The following APAF1 variants were observed in gnomAD, a reference collection of about 807,000 sequenced individuals.
The protein encoded by APAF1 is apoptotic peptidase activating factor 1, also known as apoptotic protease-activating factor 1.
APAF1 carries 91 observed loss-of-function variants against 152.4 expected under a neutral mutation model. The ratio of observed to expected loss-of-function variants is 0.60; its 90% CI spans 0.50 to 0.71. The LOEUF (loss-of-function observed/expected upper bound fraction) is 0.71. Ranked by LOEUF, APAF1 falls within the 30% of genes least tolerant of loss-of-function variation. APAF1 has a pLI of 0.00. For missense variants in APAF1, 1,283 were observed against 1,472.0 expected, an observed-to-expected ratio of 0.87 and a Z score of 2.10; for synonymous variants, 484 against 494.1, an observed-to-expected ratio of 0.98 and a Z score of 0.27.
rs1038164796 is a variant in APAF1, at chr12:98,667,580, A to G, written c.1430A>G (p.Gln477Arg). ...CAGCCGCATACTCTTTCACCAGATC[A>G]GGAAGACTGTATGTATTGGTACAAC... ...YHQPHTLSPD[Q>R]EDCMYWYNFL... is the part of the protein sequence containing the mutation. The change falls in exon 10 of 27, where the codon CAG becomes CGG. Residue 477 changes from glutamine (Q) to arginine (R), a missense_variant. Coordinates refer to ENST00000551964, the MANE Select transcript of APAF1 (RefSeq NM_181861.2). 6 of 1,614,072 alleles carry G rather than the reference A, an allele frequency of 3.7e-6. No homozygotes were observed. The highest frequency in any genetic ancestry group is 5.1e-6 in the Non-Finnish European group (6 of 1,179,968).
At position 98,715,429 on chromosome 12, in the gene APAF1, T is replaced by C; in HGVS notation, c.2961T>C (p.Ile987=). The change falls in exon 22 of 27, where the codon ATT becomes ATC. Residue 987 remains isoleucine (I), a splice_region_variant and synonymous_variant. Transcript: ENST00000551964. ...TTCTGTGTTTTTCTGCTTTGAAGATTTTAGAACTTGTAAACAATAGAATCT... is the reference window on the plus strand; with the variant it reads ...TTCTGTGTTTTTCTGCTTTGAAGATCTTAGAACTTGTAAACAATAGAATCT... ...AFGDENGAIE[I]LELVNNRIFQ... 1 of 1,613,366 alleles carries C rather than the reference T, an allele frequency of 6.2e-7. No homozygotes were observed. Among genetic ancestry groups the C allele is most frequent in the Non-Finnish European group, 8.5e-7 (1 of 1,179,666 alleles).
At chr12:98,692,231 C>T (rs758538954) in intron 16 of APAF1, among the ~76,000 whole-genome samples, 4 of 151,936 alleles carry the variant, frequency 2.6e-5, no homozygotes, top group Admixed American at 6.6e-5. Flanking sequence ...TACAGGCGCC[C>T]GCTGCCATGC....
At chr12:98,720,374 A>G (rs1211182323) in intron 22 of APAF1, among the ~76,000 whole-genome samples, 3 of 152,176 alleles carry the variant, frequency 2.0e-5, no homozygotes, top group African/African-American at 7.2e-5. Flanking sequence ...TCGAGAAATG[A>G]CTGGTTGGGT....
At chr12:98,721,219 AC>A (rs2097742234) in intron 22 of APAF1, among the ~76,000 whole-genome samples, 1 of 152,160 alleles carries the variant, frequency 6.6e-6, no homozygotes, top group Non-Finnish European at 1.5e-5. Context: ...CTAGTCAGAA[AC>A]CTTCTGTAAC....
At chr12:98,674,640 AC>A (rs987561796) in intron 12 of APAF1, among the ~76,000 whole-genome samples, 1 of 152,142 alleles carries the variant, frequency 6.6e-6, no homozygotes, top group Non-Finnish European at 1.5e-5. Flanking sequence ...AAAATAACAT[AC>A]CCTGGCTCTA....
intron 18 of APAF1, among the ~76,000 whole-genome samples, chr12:98,704,511 G>C (rs563630126): frequency 5.9e-5 from 9 of 152,330 alleles, no homozygotes; most frequent in Admixed American, 2.6e-4. Context: ...GCCCATTACT[G>C]TGAAGGTGTT....
Position 98,665,698 on chromosome 12 carries a change from C to G in APAF1, c.1101C>G (p.Ala367=). 6.2e-7 allele frequency: 1 copy of G among 1,613,886 alleles called. No individual in the cohort carries two copies. The highest frequency in any genetic ancestry group is 8.5e-7 in the Non-Finnish European group (1 of 1,179,906). Residue 367 remains alanine (A), a synonymous_variant, in exon 8 of 27, where the codon GCC becomes GCG. Transcript: ENST00000551964. ...SSYDYEALDE[A]MSISVEMLRE... is the part of the protein sequence containing the mutation. ...ATGATTATGAGGCTCTAGATGAAGCCATGTCTATAAGTGTTGAAATGCTCA... is the reference window on the plus strand; with the variant it reads ...ATGATTATGAGGCTCTAGATGAAGCGATGTCTATAAGTGTTGAAATGCTCA...
At chr12:98,686,543 G>A (rs150574514) in intron 15 of APAF1, among the ~76,000 whole-genome samples, 81 of 152,230 alleles carry the variant, frequency 5.3e-4, no homozygotes, top group African/African-American at 1.8e-3. Flanking sequence ...TCCCTTAGTC[G>A]ATTTACATGC....
intron 4 of APAF1, among the ~76,000 whole-genome samples, chr12:98,656,067 G>T (rs2097657168): frequency 6.6e-6 from 1 of 152,098 alleles, no homozygotes; most frequent in African/African-American, 2.4e-5. Flanking sequence ...ACAGGCATGA[G>T]CCACCGCGCC....
intron 12 of APAF1, among the ~76,000 whole-genome samples, chr12:98,677,040 A>G (rs532002892): frequency 2.0e-5 from 3 of 152,192 alleles, no homozygotes. Flanking sequence ...TAAAAAAGAG[A>G]TGGAGAATTT....
intron 18 of APAF1, among the ~76,000 whole-genome samples, chr12:98,704,951 T>G (rs2097719789): frequency 6.6e-6 from 1 of 152,036 alleles, no homozygotes; most frequent in African/African-American, 2.4e-5. Context: ...GGCTAATTTT[T>G]TTTTGTATTT....
chr12:98,686,205 A>G (rs953633176), intron 15 of APAF1, among the ~76,000 whole-genome samples: 2 of 152,082 alleles, frequency 1.3e-5, no homozygotes, highest in Non-Finnish European at 2.9e-5. Context: ...AGTCTCTTTT[A>G]TTCTATTAAA....
intron 22 of APAF1, among the ~76,000 whole-genome samples, chr12:98,720,039 C>T (rs935039768): frequency 1.3e-5 from 2 of 152,130 alleles, no homozygotes; most frequent in Non-Finnish European, 2.9e-5. Context: ...CTGTAAAACT[C>T]AGTGTAATAG....
intron 17 of APAF1, among the ~76,000 whole-genome samples, chr12:98,703,066 A>G (rs1247851458): frequency 6.6e-6 from 1 of 152,142 alleles, no homozygotes; most frequent in Non-Finnish European, 1.5e-5. Context: ...CATTAGGGAG[A>G]ACTACTCTGT....
At chr12:98,701,805 C>G (rs2097715648) in intron 17 of APAF1, among the ~76,000 whole-genome samples, 2 of 152,204 alleles carry the variant, frequency 1.3e-5, no homozygotes, top group African/African-American at 4.8e-5. Context: ...CCTTCCTCCT[C>G]CTGTTCTTTC....
chr12:98,715,235 CATATATATATATATATATATATAT>C (rs61430351), intron 21 of APAF1, among the ~76,000 whole-genome samples, 168 bp from the exon 22 acceptor site: 3,368 of 54,874 alleles, frequency 0.061, 189 homozygotes, highest in South Asian at 0.078. Flanking sequence ...ACATGGTGTG[CATATATATATATATATATATATAT>C]ATATATATAT....
chr12:98,700,927 C>G (rs2097714739), intron 17 of APAF1, among the ~76,000 whole-genome samples: 1 of 152,020 alleles, frequency 6.6e-6, no homozygotes, highest in Non-Finnish European at 1.5e-5. Context: ...TAGCATGTAT[C>G]AGAACTGTAT....
chr12:98,729,030 G>A (rs1008002650), intron 26 of APAF1, among the ~76,000 whole-genome samples: 1 of 152,224 alleles, frequency 6.6e-6, no homozygotes, highest in Non-Finnish European at 1.5e-5. Flanking sequence ...AGTCTATGGG[G>A]GAAGCAGGTG....
In APAF1 at chr12:98,705,788, A is replaced by G. The variant is rs77835688; in HGVS notation, c.2596-697A>G. ...AGTCAGTTGAAATGAAGGTTAGATG[A>G]CAGTATTAGTGGAAAATAATCTGAA... On this transcript the variant is annotated intron_variant, in intron 18 of 26. Coordinates refer to ENST00000551964, the MANE Select transcript of APAF1 (RefSeq NM_181861.2). Among the ~76,000 whole-genome samples, 103 of 152,338 alleles carry G rather than the reference A, an allele frequency of 6.8e-4. No homozygotes were observed. The East Asian group carries it at 0.018, about 26-fold the overall frequency.
Sources: allele counts gnomAD v4.1 joint callset (sites outside exome capture counted in the v4.1 genomes callset), GRCh38; gene constraint gnomAD v4.1.1; transcripts MANE v1.5; gene names NCBI Gene and HGNC (gene_info 2026-07-23, HGNC 2026-07-21).